ADCY2: variants seen among roughly 807,000 people sequenced by gnomAD.
ADCY2 encodes the protein adenylate cyclase 2, also known as adenylate cyclase type 2.
In ADCY2, 31 loss-of-function variants were observed where a neutral mutation model predicts 125.2. The observed-to-expected ratio is 0.25, with a 90% CI of 0.19 to 0.33. The LOEUF is 0.33. Among genes scored for constraint, ADCY2 ranks in the 10% least tolerant of loss-of-function variants. The probability of loss-of-function intolerance (pLI) is 1.00; values close to 1 mark genes in which losing one functional copy is unlikely to be tolerated. For missense variants in ADCY2, 904 were observed against 1,418.2 expected (o/e 0.64, Z 5.82); for synonymous variants, 512 against 548.4 (o/e 0.93, Z 0.93).
At chr5:7,473,808 A>G (rs1390821471) in intron 2 of ADCY2, among the ~76,000 whole-genome samples, 1 of 152,292 alleles carries the variant, frequency 6.6e-6, no homozygotes, top group East Asian at 1.9e-4. Flanking sequence ...TTTCTTATGA[A>G]TGCTTGGTGG....
At chr5:7,446,851 CTT>C (rs988630479) in intron 2 of ADCY2, among the ~76,000 whole-genome samples, 1 of 152,148 alleles carries the variant, frequency 6.6e-6, no homozygotes, top group African/African-American at 2.4e-5. Context: ...CTATATTTTT[CTT>C]TTGCATTTGC....
chr5:7,764,314 C>T (rs1048126817), intron 16 of ADCY2, among the ~76,000 whole-genome samples: 1 of 152,298 alleles, frequency 6.6e-6, no homozygotes, highest in Admixed American at 6.5e-5. Flanking sequence ...TTATTCCTGA[C>T]ATTTTGAGAA....
At chr5:7,438,509 T>C (rs1740892421) in intron 2 of ADCY2, among the ~76,000 whole-genome samples, 1 of 152,176 alleles carries the variant, frequency 6.6e-6, no homozygotes, top group African/African-American at 2.4e-5. Context: ...ACTTGGATGA[T>C]GTAGGAGACC....
intron 2 of ADCY2, among the ~76,000 whole-genome samples, chr5:7,469,129 T>C (rs185538977): frequency 1.5e-3 from 231 of 152,180 alleles, no homozygotes; most frequent in Middle Eastern, 0.01. Flanking sequence ...ATTATAAATG[T>C]AACCTAGGCT....
intron 14 of ADCY2, among the ~76,000 whole-genome samples, chr5:7,730,752 G>C (rs1014846067): frequency 2.0e-5 from 3 of 152,016 alleles, no homozygotes; most frequent in African/African-American, 7.3e-5. Context: ...AAGTATTTCT[G>C]TCAGTCTCAT....
chr5:7,450,226 A>G (rs568136890), intron 2 of ADCY2, among the ~76,000 whole-genome samples: 39 of 152,332 alleles, frequency 2.6e-4, no homozygotes, highest in Middle Eastern at 6.8e-3. Flanking sequence ...CCTGCAGTAA[A>G]CAGTTAGCCC....
At chr5:7,716,365 T>A (rs755930998) in intron 11 of ADCY2, among the ~76,000 whole-genome samples, 4 of 152,186 alleles carry the variant, frequency 2.6e-5, no homozygotes, top group Non-Finnish European at 5.9e-5. Context: ...AGCCACATTT[T>A]TACAGGGGAA....
chr5:7,518,918 C>A (rs535598649), intron 2 of ADCY2, among the ~76,000 whole-genome samples: 11 of 152,156 alleles, frequency 7.2e-5, no homozygotes, highest in Non-Finnish European at 1.5e-4. Flanking sequence ...TGTCCTGCAC[C>A]CTCCACCTCC....
At chr5:7,436,747 C>G (rs1237202003) in intron 2 of ADCY2, among the ~76,000 whole-genome samples, 1 of 152,236 alleles carries the variant, frequency 6.6e-6, no homozygotes, top group Non-Finnish European at 1.5e-5. Context: ...GCTCCTGAGA[C>G]AGCCATGTAA....
At chr5:7,503,863 A>T (rs1326624417) in intron 2 of ADCY2, among the ~76,000 whole-genome samples, 1 of 152,204 alleles carries the variant, frequency 6.6e-6, no homozygotes, top group Non-Finnish European at 1.5e-5. Context: ...ACCACTTTTT[A>T]AAAAGAAGGC....
intron 15 of ADCY2, among the ~76,000 whole-genome samples, chr5:7,752,746 A>T (rs1040402873): frequency 1.3e-5 from 2 of 151,648 alleles, no homozygotes; most frequent in East Asian, 1.9e-4. Context: ...AAGCTGGCTG[A>T]TATTTTTGGT....
chr5:7,598,750 G>A (rs943980278), intron 3 of ADCY2, among the ~76,000 whole-genome samples: 3 of 152,164 alleles, frequency 2.0e-5, no homozygotes, highest in Non-Finnish European at 4.4e-5. Flanking sequence ...AACGTGAGCA[G>A]CAGTGATGTG....
intron 21 of ADCY2, among the ~76,000 whole-genome samples, chr5:7,804,033 G>T (rs912883965): frequency 9.2e-5 from 4 of 43,276 alleles, no homozygotes; most frequent in African/African-American, 3.9e-4. Context: ...CTCCCATGGA[G>T]GGGGGAAAGA....
intron 19 of ADCY2, among the ~76,000 whole-genome samples, chr5:7,786,830 A>G (rs1744098788): frequency 6.6e-6 from 1 of 152,154 alleles, no homozygotes. Flanking sequence ...AGGGTCACCA[A>G]CTGCCCTGTA....
rs188317287 is a variant in ADCY2 at position 7,707,031 on chromosome 5, C to T, written c.1268+129C>T. 2.4e-5 allele frequency: 29 copies of T among 1,207,808 alleles called. 1 individual carries two copies. Among genetic ancestry groups the T allele is most frequent in the African/African-American group, 2.0e-4 (13 of 65,394 alleles). The allele number at this position is 1,207,808 out of a possible 1,614,324, so 74.8% of individuals were successfully genotyped here. A position where few individuals can be genotyped will look rare whatever the true frequency, so the allele number is the denominator to read the frequency against. Reference sequence around the variant, plus strand: ...GCCTCTGTTGGTATCATGTTACTCACGCCCAACGGCCTCTTATGTTAAGCA... The same window carrying T: ...GCCTCTGTTGGTATCATGTTACTCATGCCCAACGGCCTCTTATGTTAAGCA... On this transcript the variant is annotated intron_variant, in intron 8 of 24. Coordinates refer to ENST00000338316, the MANE Select transcript of ADCY2 (RefSeq NM_020546.3).
chr5:7,427,032 G>A (rs1243664798), intron 2 of ADCY2, among the ~76,000 whole-genome samples: 3 of 152,198 alleles, frequency 2.0e-5, no homozygotes, highest in Non-Finnish European at 2.9e-5. Context: ...TAGAACAACA[G>A]AAATGTCTCA....
intron 4 of ADCY2, among the ~76,000 whole-genome samples, chr5:7,660,711 A>G (rs1204594475): frequency 2.6e-5 from 4 of 152,164 alleles, no homozygotes; most frequent in Non-Finnish European, 5.9e-5. Context: ...AGTTGATTGG[A>G]TGAGTCCCAA....
intron 3 of ADCY2, among the ~76,000 whole-genome samples, chr5:7,552,814 A>C (rs1735381877): frequency 6.6e-6 from 1 of 152,160 alleles, no homozygotes; most frequent in Admixed American, 6.5e-5. Flanking sequence ...CCTTGTACTA[A>C]AGCTTTAGAA....
At chr5:7,752,894 C>CTTTTTTTTTTT in intron 15 of ADCY2, among the ~76,000 whole-genome samples, 1 of 94,386 alleles carries the variant, frequency 1.1e-5, no homozygotes, top group Non-Finnish European at 2.1e-5. Context: ...TAGGATTTTC[C>CTTTTTTTTTTT]TTTTTTTTTT....
Sources: allele counts gnomAD v4.1 joint callset (sites outside exome capture counted in the v4.1 genomes callset), GRCh38; gene constraint gnomAD v4.1.1; transcripts MANE v1.5; gene names NCBI Gene and HGNC (gene_info 2026-07-23, HGNC 2026-07-21).